Variants in HDAC9 observed in about 807,000 individuals in gnomAD.
HDAC9 encodes MEF-2 interacting transcription repressor (MITR) protein.
A neutral mutation model predicts 139.4 loss-of-function variants in HDAC9; 41 were observed. The ratio of observed to expected loss-of-function variants is 0.29; its 90% CI spans 0.23 to 0.38. The LOEUF is 0.38. Ranked by LOEUF, HDAC9 falls within the 10% of genes least tolerant of loss-of-function variation. The pLI, the probability that HDAC9 is intolerant of heterozygous loss-of-function variation, is 1.00. For missense variants in HDAC9, 1,147 were observed against 1,297.0 expected, an observed-to-expected ratio of 0.88 and a Z score of 1.78; for synonymous variants, 517 against 476.2, an observed-to-expected ratio of 1.09 and a Z score of -1.12.
intron 11 of HDAC9, among the ~76,000 whole-genome samples, chr7:18,650,013 G>A (rs374907646): frequency 6.6e-6 from 1 of 152,004 alleles, no homozygotes; most frequent in African/African-American, 2.4e-5. Flanking sequence ...CAAATATTTC[G>A]GTTTCATATC....
At chr7:18,182,962 C>A (rs892716333) in intron 2 of HDAC9, among the ~76,000 whole-genome samples, 1 of 151,724 alleles carries the variant, frequency 6.6e-6, no homozygotes, top group African/African-American at 2.4e-5. Flanking sequence ...CTGAAGCTTT[C>A]AGGGCAGTAT....
chr7:18,818,059 A>G (rs1050292031), intron 17 of HDAC9, among the ~76,000 whole-genome samples: 2 of 152,236 alleles, frequency 1.3e-5, no homozygotes, highest in African/African-American at 4.8e-5. Context: ...AAAACATCGC[A>G]TGCGAATTTT....
exon 2 of HDAC9, chr7:18,162,267 A>G: frequency 6.7e-7 from 1 of 1,485,364 alleles, no homozygotes; most frequent in East Asian, 2.5e-5. Context: ...CATTGTCAGC[A>G]GTTGAACGAC....
At position 18,504,971 on chromosome 7, in the gene HDAC9, G is replaced by C. The variant is rs190172234; in HGVS notation, c.22+8647G>C. Among the ~76,000 whole-genome samples the C allele has an allele frequency of 1.1e-4, 16 of 152,280 alleles. No individual in the cohort carries two copies. In the East Asian group the frequency reaches 3.1e-3, roughly 29 times the overall value. ...ATATGTATAAACAAATACCTAGACAGACTTCTTAATCCTGGGAGGTTTAAG... is the reference window on the plus strand; with the variant it reads ...ATATGTATAAACAAATACCTAGACACACTTCTTAATCCTGGGAGGTTTAAG... On this transcript the variant is annotated intron_variant, in intron 2 of 25. Transcript: ENST00000686413.
At chr7:18,239,746 T>C (rs995589444) in intron 2 of HDAC9, among the ~76,000 whole-genome samples, 3 of 152,156 alleles carry the variant, frequency 2.0e-5, no homozygotes, top group Admixed American at 6.5e-5. Flanking sequence ...TTCAAATATA[T>C]TAAGTTGCCA....
At chr7:18,818,056 C>G (rs1396118721) in intron 17 of HDAC9, among the ~76,000 whole-genome samples, 1 of 152,146 alleles carries the variant, frequency 6.6e-6, no homozygotes, top group Admixed American at 6.5e-5. Flanking sequence ...CATAAAACAT[C>G]GCATGCGAAT....
intron 6 of HDAC9, among the ~76,000 whole-genome samples, chr7:18,625,899 A>G (rs1330955910): frequency 1.4e-5 from 2 of 140,866 alleles, no homozygotes; most frequent in African/African-American, 5.4e-5. Context: ...GTGAGCCAAG[A>G]TCGTACCACT....
At chr7:18,504,767 G>A (rs547001759) in intron 2 of HDAC9, among the ~76,000 whole-genome samples, 1 of 152,286 alleles carries the variant, frequency 6.6e-6, no homozygotes, top group East Asian at 1.9e-4. Context: ...AGTTGTTGCA[G>A]CAATATTGGT....
chr7:18,555,007 A>C (rs1818363317), intron 2 of HDAC9, among the ~76,000 whole-genome samples: 1 of 152,228 alleles, frequency 6.6e-6, no homozygotes, highest in South Asian at 2.1e-4. Flanking sequence ...AACTGACCTG[A>C]ACTTGGCAGA....
intron 12 of HDAC9, among the ~76,000 whole-genome samples, chr7:18,715,519 T>C (rs1046843089): frequency 3.3e-5 from 5 of 152,168 alleles, no homozygotes; most frequent in African/African-American, 1.2e-4. Flanking sequence ...CAATTGGGTC[T>C]AGACGCCAGT....
chr7:18,648,359 G>A, intron 10 of HDAC9, 107 bp from the exon 11 acceptor site: 2 of 909,836 alleles, frequency 2.2e-6, no homozygotes. Flanking sequence ...TTTATACCAT[G>A]TATCTGTTTT....
intron 13 of HDAC9, among the ~76,000 whole-genome samples, chr7:18,745,178 G>A (rs1231984397): frequency 6.6e-6 from 1 of 152,102 alleles, no homozygotes; most frequent in Non-Finnish European, 1.5e-5. Flanking sequence ...AAAGAGAGAG[G>A]GAAGGAATGA....
chr7:18,812,930 A>G (rs1332393112), intron 17 of HDAC9, among the ~76,000 whole-genome samples: 1 of 151,894 alleles, frequency 6.6e-6, no homozygotes, highest in Non-Finnish European at 1.5e-5. Flanking sequence ...CCTGCTGCTA[A>G]TATCATCCAA....
chr7:18,466,316 T>A (rs1794274988), intron 1 of HDAC9, among the ~76,000 whole-genome samples: 1 of 152,012 alleles, frequency 6.6e-6, no homozygotes, highest in Admixed American at 6.5e-5. Context: ...CCTGCCTCAG[T>A]CTCCCAAGTA....
In HDAC9 at chr7:18,929,031, C is replaced by G. The variant is rs192077276; in HGVS notation, c.2804-6778C>G. On this transcript the variant is annotated intron_variant, in intron 22 of 25. Transcript: ENST00000686413. ...TTAAGGTTGTTTCCTTTCACTACCA[C>G]TATTCTCTGGGAACTATTTGGAAAT... is the stretch of plus-strand genomic sequence containing the variant. Among the ~76,000 whole-genome samples the G allele has an allele frequency of 5.4e-3, 826 of 152,038 alleles. 8 individuals carry two copies. The highest frequency in any genetic ancestry group is 0.019 in the African/African-American group (785 of 41,490).
At chr7:18,156,867 G>T (rs1280535316) in intron 1 of HDAC9, among the ~76,000 whole-genome samples, 1 of 152,152 alleles carries the variant, frequency 6.6e-6, no homozygotes, top group African/African-American at 2.4e-5. Context: ...GCTCACACCT[G>T]TAATCCCAGC....
chr7:18,277,018 G>T (rs900604397), intron 2 of HDAC9, among the ~76,000 whole-genome samples: 2 of 151,920 alleles, frequency 1.3e-5, no homozygotes, highest in Non-Finnish European at 2.9e-5. Context: ...TTATTAATTT[G>T]ATTTGAAATT....
At chr7:18,873,152 T>C (rs1376206307) in intron 21 of HDAC9, among the ~76,000 whole-genome samples, 4 of 152,140 alleles carry the variant, frequency 2.6e-5, no homozygotes, top group Non-Finnish European at 5.9e-5. Context: ...TGGGGAAGAA[T>C]CCAGTATATC....
At chr7:18,209,996 G>C (rs1178385) in intron 2 of HDAC9, among the ~76,000 whole-genome samples, 5,889 of 149,494 alleles carry the variant, frequency 0.039, 155 homozygotes, top group African/African-American at 0.062. Context: ...CACCGCGCCC[G>C]GCCAAGAGAA....
Sources: gnomAD v4.1 joint callset for allele counts (sites outside exome capture counted in the v4.1 genomes callset) on GRCh38, gnomAD v4.1.1 for gene constraint, MANE v1.5 for transcripts, NCBI Gene and HGNC (gene_info 2026-07-23, HGNC 2026-07-21) for gene names.